ANKFN1: variants seen among roughly 807,000 people sequenced by gnomAD.
The protein encoded by ANKFN1 is ankyrin repeat and fibronectin type III domain containing 1.
In ANKFN1, 74 loss-of-function variants were observed where a neutral mutation model predicts 108.7. That is an observed-to-expected ratio of 0.68 (90% CI 0.56 to 0.83). The LOEUF is 0.83. ANKFN1 is among the 40% of genes least tolerant of loss of function. The pLI is 0.00. For missense variants in ANKFN1, 1,505 were observed against 1,382.3 expected, an observed-to-expected ratio of 1.09 and a Z score of -1.41; for synonymous variants, 547 against 516.2, an observed-to-expected ratio of 1.06 and a Z score of -0.81.
At chr17:56,244,164 C>A (rs1044005700) in intron 3 of ANKFN1, among the ~76,000 whole-genome samples, 8 of 152,074 alleles carry the variant, frequency 5.3e-5, no homozygotes. Context: ...TTTCTCTACT[C>A]ATATCTTGTA....
chr17:56,232,428 C>T (rs1598279754), intron 3 of ANKFN1, among the ~76,000 whole-genome samples: 1 of 152,162 alleles, frequency 6.6e-6, no homozygotes, highest in South Asian at 2.1e-4. Flanking sequence ...ATCTAAAACC[C>T]CTAGATACAA....
rs202114506 is a variant in ANKFN1 at position 56,391,212 on chromosome 17, CATATATATATATATATATATAT to C, written c.910+16513_910+16534del. ...TTTGCAGGGTGAAGGCCCAAGAATA[CATATATATATATATATATATAT>C]ATATATATATATATGTATGTGTGTG... On this transcript the variant is annotated intron_variant, in intron 8 of 20. Transcript: ENST00000682825. 1.9e-3 allele frequency among the ~76,000 whole-genome samples: 233 copies of C among 121,412 alleles called. 4 individuals carry two copies. Among genetic ancestry groups the C allele is most frequent in the African/African-American group, 6.5e-3 (160 of 24,736 alleles). The allele number at this position is 121,412 out of a possible 152,430, so 79.7% of individuals were successfully genotyped here.
intron 4 of ANKFN1, among the ~76,000 whole-genome samples, chr17:56,119,684 A>G (rs376913530): frequency 6.6e-6 from 1 of 152,178 alleles, no homozygotes; most frequent in Non-Finnish European, 1.5e-5. Context: ...GTTCAATTAT[A>G]CTTTATTAAT....
chr17:56,510,796 G>C lies in ANKFN1; in HGVS notation c.2968G>C (p.Gly990Arg). The C allele has an allele frequency of 6.5e-7, 1 of 1,536,170 alleles. No individual in the cohort carries two copies. Among genetic ancestry groups the C allele is most frequent in the Non-Finnish European group, 8.7e-7 (1 of 1,146,906 alleles). Residue 990 changes from glycine (G) to arginine (R), a missense_variant, in exon 21 of 21, where the codon GGG (glycine) becomes CGG (arginine). Gly to Arg is a moderately radical substitution (Grantham distance 125). Transcript: ENST00000682825. Reference protein sequence around the residue: ...PKNHAKTVSGGRPPLGFLGKR... With the variant: ...PKNHAKTVSGRRPPLGFLGKR... ...GAACCACGCCAAGACTGTGTCCGGT[G>C]GGCGGCCCCCGCTAGGCTTCCTGGG...
intron 4 of ANKFN1, among the ~76,000 whole-genome samples, chr17:56,064,049 T>C (rs1055002611): frequency 4.6e-5 from 7 of 152,134 alleles, no homozygotes; most frequent in African/African-American, 1.7e-4. Flanking sequence ...GCCCTATTCA[T>C]CTGGTTCACT....
chr17:56,058,081 C>A (rs752818568), intron 4 of ANKFN1, among the ~76,000 whole-genome samples: 8 of 152,176 alleles, frequency 5.3e-5, no homozygotes, highest in Non-Finnish European at 8.8e-5. Context: ...TTGCATAGCA[C>A]AGAGTAGATT....
At chr17:56,477,760 A>G in intron 16 of ANKFN1, 106 bp downstream of exon 16, 1 of 1,263,820 alleles carries the variant, frequency 7.9e-7, no homozygotes, top group Non-Finnish European at 1.1e-6. Context: ...GGCAGTTTTT[A>G]TGGTGAGGTG....
chr17:56,366,660 G>A (rs192210547), intron 6 of ANKFN1, among the ~76,000 whole-genome samples: 3 of 152,022 alleles, frequency 2.0e-5, no homozygotes, highest in South Asian at 2.1e-4. Flanking sequence ...AAATACTATC[G>A]TGTTATAGCT....
At chr17:56,124,638 A>G (rs564269152) in intron 4 of ANKFN1, among the ~76,000 whole-genome samples, 2 of 152,178 alleles carry the variant, frequency 1.3e-5, no homozygotes, top group Non-Finnish European at 2.9e-5. Flanking sequence ...TATTGTCCCA[A>G]TCAGACGCTC....
rs114352082 is a variant in ANKFN1 at position 56,427,103 on chromosome 17, G to T, written c.911-13224G>T. On this transcript the variant is annotated intron_variant, in intron 8 of 20. Transcript: ENST00000682825. ...GGGGCTGGCCTCCCAAGAAGGTCTG[G>T]TTTTTTCTTTTTTATTTATCTTTAA... Among the ~76,000 whole-genome samples the T allele has an allele frequency of 4.0e-3, 609 of 152,292 alleles. 2 individuals carry two copies. The highest frequency in any genetic ancestry group is 0.014 in the African/African-American group (569 of 41,556).
intron 4 of ANKFN1, among the ~76,000 whole-genome samples, chr17:56,081,170 T>A (rs1296497724): frequency 6.6e-6 from 1 of 152,078 alleles, no homozygotes; most frequent in Non-Finnish European, 1.5e-5. Context: ...CTGAGAGGCA[T>A]ACGGCAGAAG....
rs373316546 is a variant in ANKFN1, at chr17:56,094,800, A to G, written c.288+48475A>G. The stretch of plus-strand genomic sequence containing the variant: ...CTCCCAAAGTGTCGGGATTACAGGC[A>G]TGAGCCATAGCGCCCAGCCTGTTTC... On this transcript the variant is annotated intron_variant, in intron 4 of 12. Coordinates refer to the ANKFN1 transcript ENST00000635860. Among the ~76,000 whole-genome samples the G allele has an allele frequency of 4.0e-4, 60 of 150,304 alleles. 2 individuals carry two copies. Among genetic ancestry groups the G allele is most frequent in the East Asian group, 9.7e-4 (5 of 5,154 alleles).
At chr17:56,313,841 A>G (rs182020981) in intron 3 of ANKFN1, among the ~76,000 whole-genome samples, 13 of 152,188 alleles carry the variant, frequency 8.5e-5, no homozygotes, top group Non-Finnish European at 1.5e-4. Context: ...CAATAATTGT[A>G]TATACCCCCT....
At chr17:56,300,583 G>C (rs1030681023) in intron 3 of ANKFN1, among the ~76,000 whole-genome samples, 5 of 148,166 alleles carry the variant, frequency 3.4e-5, no homozygotes, top group African/African-American at 1.3e-4. Context: ...CTTAGACACA[G>C]GAAATTGTTT....
At chr17:56,469,730 G>A (rs982755827) in intron 15 of ANKFN1, among the ~76,000 whole-genome samples, 1 of 152,014 alleles carries the variant, frequency 6.6e-6, no homozygotes, top group Non-Finnish European at 1.5e-5. Context: ...GTAGCACAAA[G>A]TAGTGCTCAA....
chr17:56,374,481 T>C, intron 7 of ANKFN1, 120 bp from the exon 8 acceptor site: 1 of 745,616 alleles, frequency 1.3e-6, no homozygotes, highest in South Asian at 1.8e-5. Context: ...CGAAAGCTAT[T>C]AGGCTCCACA....
chr17:56,202,787 G>C (rs754338211), intron 1 of ANKFN1, among the ~76,000 whole-genome samples: 1 of 151,976 alleles, frequency 6.6e-6, no homozygotes, highest in Non-Finnish European at 1.5e-5. Flanking sequence ...GAATATTCTG[G>C]AACTGTTCAA....
At chr17:56,341,993 G>A (rs2045971291) in intron 4 of ANKFN1, among the ~76,000 whole-genome samples, 1 of 151,792 alleles carries the variant, frequency 6.6e-6, no homozygotes, top group South Asian at 2.1e-4. Flanking sequence ...ACTCATTATT[G>A]GCCTCTTCAG....
intron 1 of ANKFN1, among the ~76,000 whole-genome samples, chr17:56,204,339 C>G (rs557243819): frequency 2.0e-5 from 3 of 151,334 alleles, no homozygotes; most frequent in African/African-American, 7.3e-5. Flanking sequence ...AGCCACCACG[C>G]CCAGCCTATT....
Sources: allele counts gnomAD v4.1 joint callset (sites outside exome capture counted in the v4.1 genomes callset), GRCh38; gene constraint gnomAD v4.1.1; transcripts MANE v1.5; gene names NCBI Gene and HGNC (gene_info 2026-07-23, HGNC 2026-07-21).